The following ANO10 variants were observed in gnomAD, a reference collection of about 807,000 sequenced individuals.
The protein encoded by ANO10 is anoctamin-10.
In ANO10, 77 loss-of-function variants were observed where a neutral mutation model predicts 74.7. The observed-to-expected ratio is 1.03, with a 90% CI of 0.86 to 1.25. The LOEUF is 1.25. Ranked by LOEUF, ANO10 falls within the 50% of genes most tolerant of loss-of-function variation. The pLI, the probability that ANO10 is intolerant of heterozygous loss-of-function variation, is 0.00. For missense variants in ANO10, 721 were observed against 778.1 expected, an observed-to-expected ratio of 0.93 and a Z score of 0.87; for synonymous variants, 279 against 284.9, an observed-to-expected ratio of 0.98 and a Z score of 0.21.
intron 12 of ANO10, among the ~76,000 whole-genome samples, chr3:43,396,791 C>T (rs1025843787): frequency 1.3e-5 from 2 of 152,092 alleles, no homozygotes; most frequent in Non-Finnish European, 2.9e-5. Flanking sequence ...GCCTTCACCT[C>T]CTGAATAGCT....
intron 11 of ANO10, among the ~76,000 whole-genome samples, chr3:43,536,754 G>C: frequency 6.6e-6 from 1 of 151,850 alleles, no homozygotes; most frequent in Non-Finnish European, 1.5e-5. Flanking sequence ...ACTGGTTTTC[G>C]GTTGCCTTGT....
At chr3:43,564,513 A>G (rs2080212814) in intron 8 of ANO10, among the ~76,000 whole-genome samples, 1 of 152,192 alleles carries the variant, frequency 6.6e-6, no homozygotes, top group Non-Finnish European at 1.5e-5. Context: ...AAATAAAACT[A>G]TAATTATCCT....
At chr3:43,439,968 G>A (rs2093135200) in intron 11 of ANO10, among the ~76,000 whole-genome samples, 1 of 151,932 alleles carries the variant, frequency 6.6e-6, no homozygotes, top group Admixed American at 6.6e-5. Context: ...TGCTACTGAA[G>A]TTTTTATCAG....
chr3:43,404,168 TC>T (rs1464109315), intron 12 of ANO10, among the ~76,000 whole-genome samples: 7 of 152,156 alleles, frequency 4.6e-5, no homozygotes, highest in Non-Finnish European at 8.8e-5. Context: ...GCCTCAGCTG[TC>T]CCTGAGGCCA....
At chr3:43,511,848 T>G (rs1425769228) in intron 11 of ANO10, among the ~76,000 whole-genome samples, 3 of 152,052 alleles carry the variant, frequency 2.0e-5, no homozygotes, top group African/African-American at 7.2e-5. Flanking sequence ...TTTACCTACA[T>G]TAAAACAAGA....
At chr3:43,629,303 T>G (rs2083523455) in intron 1 of ANO10, among the ~76,000 whole-genome samples, 1 of 152,246 alleles carries the variant, frequency 6.6e-6, no homozygotes, top group Non-Finnish European at 1.5e-5. Context: ...CAATTCTTAT[T>G]TTGTTGAAAT....
At chr3:43,689,689 A>G (rs1023724270) in intron 1 of ANO10, among the ~76,000 whole-genome samples, 1 of 152,220 alleles carries the variant, frequency 6.6e-6, no homozygotes, top group Admixed American at 6.5e-5. Flanking sequence ...AGCTGTAACA[A>G]TTACACAAGG....
At chr3:43,527,036 AACACACAC>A (rs56025632) in intron 11 of ANO10, among the ~76,000 whole-genome samples, 2 of 147,074 alleles carry the variant, frequency 1.4e-5, no homozygotes, top group African/African-American at 2.5e-5. Flanking sequence ...ATGGATGTAA[AACACACAC>A]ACACACACAC....
At chr3:43,643,683 CTT>C (rs61487906) in intron 1 of ANO10, among the ~76,000 whole-genome samples, 15 of 104,720 alleles carry the variant, frequency 1.4e-4, no homozygotes, top group Middle Eastern at 5.1e-3. Flanking sequence ...CTCATCTTTT[CTT>C]TTTTTTTTTT....
intron 11 of ANO10, among the ~76,000 whole-genome samples, chr3:43,515,984 C>T (rs151203756): frequency 1.3e-4 from 20 of 152,274 alleles, no homozygotes; most frequent in Non-Finnish European, 2.1e-4. Context: ...GTTCTCAAAA[C>T]GACGTAGAGA....
At chr3:43,396,645 A>G (rs577287114) in intron 12 of ANO10, among the ~76,000 whole-genome samples, 5 of 151,850 alleles carry the variant, frequency 3.3e-5, no homozygotes, top group East Asian at 3.9e-4. Flanking sequence ...CCCATGTTTG[A>G]TAAGTTTTAT....
At chr3:43,394,813 G>A (rs1226310042) in intron 12 of ANO10, among the ~76,000 whole-genome samples, 2 of 152,078 alleles carry the variant, frequency 1.3e-5, no homozygotes, top group Non-Finnish European at 2.9e-5. Context: ...TAACTGACAT[G>A]GGCAAGGTCC....
intron 9 of ANO10, 25 bp from the exon 10 acceptor site, chr3:43,555,494 T>C: frequency 6.2e-7 from 1 of 1,603,740 alleles, no homozygotes; most frequent in Non-Finnish European, 8.5e-7. Flanking sequence ...AAGCATGCAT[T>C]ATTTTAATAT....
At chr3:43,534,269 G>A (rs1474333966) in intron 11 of ANO10, among the ~76,000 whole-genome samples, 3 of 152,178 alleles carry the variant, frequency 2.0e-5, no homozygotes, top group African/African-American at 7.2e-5. Flanking sequence ...GGCCACCACT[G>A]TCCACATGGG....
chr3:43,546,165 C>T lies in ANO10; in HGVS notation c.1797+3555G>A, dbSNP rs115218987. 4.0e-3 allele frequency among the ~76,000 whole-genome samples: 606 copies of T among 152,296 alleles called. 6 individuals are homozygous for T. The highest frequency in any genetic ancestry group is 0.014 in the African/African-American group (579 of 41,566). On this transcript the variant is annotated intron_variant, in intron 11 of 12. Transcript: ENST00000292246. ...ACAAATATTCAAATACACACTGTGA[C>T]AGAAAGAGAGGACCCATCTGTGCCA...
intron 11 of ANO10, among the ~76,000 whole-genome samples, chr3:43,516,839 C>G (rs558586349): frequency 6.6e-6 from 1 of 152,214 alleles, no homozygotes; most frequent in Admixed American, 6.5e-5. Flanking sequence ...AAATAATGTT[C>G]CTATTTGTTG....
intron 11 of ANO10, among the ~76,000 whole-genome samples, chr3:43,549,121 G>C (rs1330694209): frequency 6.8e-6 from 1 of 146,880 alleles, no homozygotes; most frequent in African/African-American, 2.5e-5. Flanking sequence ...TTTTTTTTAA[G>C]GGACAGTGTC....
chr3:43,604,862 C>T (rs939979952), intron 2 of ANO10, among the ~76,000 whole-genome samples: 1 of 152,072 alleles, frequency 6.6e-6, no homozygotes, highest in Non-Finnish European at 1.5e-5. Context: ...CAAGCAAATA[C>T]TCCTGCTTTT....
At chr3:43,611,895 G>A (rs565012136) in intron 1 of ANO10, among the ~76,000 whole-genome samples, 17 of 151,822 alleles carry the variant, frequency 1.1e-4, no homozygotes, top group Non-Finnish European at 2.1e-4. Flanking sequence ...ATTCTTGTTG[G>A]AATAGCCCAA....
Sources: gnomAD v4.1 joint callset for allele counts (sites outside exome capture counted in the v4.1 genomes callset) on GRCh38, gnomAD v4.1.1 for gene constraint, MANE v1.5 for transcripts, NCBI Gene and HGNC (gene_info 2026-07-23, HGNC 2026-07-21) for gene names.